MAGT1: variants seen among roughly 807,000 people sequenced by gnomAD.
MAGT1 encodes dolichyl-diphosphooligosaccharide--protein glycosyltransferase subunit MAGT1.
Under a neutral mutation model 28.4 loss-of-function variants are expected in MAGT1, and 4 were observed. The ratio of observed to expected loss-of-function variants is 0.14; its 90% CI spans 0.07 to 0.32. The LOEUF (loss-of-function observed/expected upper bound fraction) is 0.32. Among genes scored for constraint, MAGT1 ranks in the 10% least tolerant of loss-of-function variants. The probability of loss-of-function intolerance (pLI) is 1.00; values close to 1 mark genes in which losing one functional copy is unlikely to be tolerated. For synonymous variants in MAGT1, 89 were observed against 89.7 expected, an observed-to-expected ratio of 0.99 and a Z score of 0.04; for missense variants, 193 against 264.5, an observed-to-expected ratio of 0.73 and a Z score of 1.88.
intron 3 of MAGT1, among the ~76,000 whole-genome samples, chrX:77,870,236 T>C (rs962931025): frequency 7.3e-5 from 8 of 109,918 alleles, no homozygotes; most frequent in Non-Finnish European, 1.5e-4. Flanking sequence ...ATAATGGACG[T>C]TGGGAACTTT....
chrX:77,835,251 C>CA (rs1206151339), intron 8 of MAGT1, among the ~76,000 whole-genome samples: 1 of 109,827 alleles, frequency 9.1e-6, no homozygotes, highest in Non-Finnish European at 1.9e-5. Context: ...TGAGCCACCG[C>CA]AAAAAAAGAA....
rs1051735671 is a variant in MAGT1, at chrX:77,860,169, C to T, written c.391-2672G>A. On this transcript the variant is annotated intron_variant, in intron 3 of 9. Transcript: ENST00000618282. ...GCGCAATCTTGGCCCACACAATCTCCGCTTCCTGGGTTCAAGCGATCCTCC... is the reference window on the plus strand; with the variant it reads ...GCGCAATCTTGGCCCACACAATCTCTGCTTCCTGGGTTCAAGCGATCCTCC... 6.3e-5 allele frequency among the ~76,000 whole-genome samples: 7 copies of T among 111,819 alleles called. No individual in the cohort carries two copies. The East Asian group carries it at 8.6e-4, about 14-fold the overall frequency.
chrX:77,855,071 T>G (rs2076978045), intron 6 of MAGT1, among the ~76,000 whole-genome samples: 1 of 111,374 alleles, frequency 9.0e-6, no homozygotes, highest in Non-Finnish European at 1.9e-5. Context: ...CCCAGCACTT[T>G]GGGAGGCTGA....
chrX:77,842,548 C>T (rs781864371), intron 7 of MAGT1, among the ~76,000 whole-genome samples: 6 of 111,704 alleles, frequency 5.4e-5, no homozygotes, highest in African/African-American at 1.6e-4. Context: ...AAATCCTGGC[C>T]GTGCGTGGTG....
chrX:77,867,191 G>T (rs970795026), intron 3 of MAGT1, among the ~76,000 whole-genome samples: 2 of 67,082 alleles, frequency 3.0e-5, no homozygotes, highest in African/African-American at 3.5e-5. Context: ...CAGCAGCAAA[G>T]TGAACCCCTT....
chrX:77,871,639 C>T (rs1025819410), intron 2 of MAGT1, among the ~76,000 whole-genome samples: 1 of 111,370 alleles, frequency 9.0e-6, no homozygotes, highest in Non-Finnish European at 1.9e-5. Flanking sequence ...GTCAGGAGTT[C>T]GAGACCAGCC....
intron 8 of MAGT1, among the ~76,000 whole-genome samples, chrX:77,836,690 GC>G (rs1226815004): frequency 9.0e-6 from 1 of 111,361 alleles, no homozygotes; most frequent in African/African-American, 3.3e-5. Context: ...GATTGCTTGA[GC>G]CCAGGAGTTC....
At chrX:77,872,119 T>G (rs1244302251) in intron 2 of MAGT1, among the ~76,000 whole-genome samples, 1 of 109,678 alleles carries the variant, frequency 9.1e-6, no homozygotes, top group East Asian at 2.9e-4. Flanking sequence ...CTTGGCTCAC[T>G]GCAACCTCTG....
chrX:77,884,475 A>C (rs974403185), intron 1 of MAGT1, among the ~76,000 whole-genome samples: 6 of 111,259 alleles, frequency 5.4e-5, no homozygotes, highest in Non-Finnish European at 1.1e-4. Flanking sequence ...TTGAGAAAAC[A>C]GGATTGGAGA....
intron 3 of MAGT1, among the ~76,000 whole-genome samples, chrX:77,870,513 A>T (rs1387514803): frequency 1.8e-5 from 2 of 111,776 alleles, no homozygotes; most frequent in South Asian, 3.7e-4. Flanking sequence ...GCTGTGATTT[A>T]AAAAATTCCT....
intron 3 of MAGT1, among the ~76,000 whole-genome samples, chrX:77,858,419 G>A (rs1474223146): frequency 1.8e-5 from 2 of 111,032 alleles, no homozygotes; most frequent in African/African-American, 6.5e-5. Context: ...TTGAACTCCT[G>A]ACTGCAAATG....
At chrX:77,843,565 CTT>C (rs1232198892) in intron 7 of MAGT1, among the ~76,000 whole-genome samples, 1 of 111,749 alleles carries the variant, frequency 8.9e-6, no homozygotes, top group Non-Finnish European at 1.9e-5. Context: ...TCAATAGCCT[CTT>C]GTTAGGGATG....
intron 8 of MAGT1, among the ~76,000 whole-genome samples, chrX:77,840,679 C>T: frequency 9.0e-6 from 1 of 110,625 alleles, no homozygotes; most frequent in East Asian, 2.9e-4. Context: ...CCCATCTCTA[C>T]AAAAAGTACA....
intron 6 of MAGT1, 141 bp downstream of exon 6, chrX:77,855,360 G>A: frequency 2.1e-6 from 1 of 476,899 alleles, no homozygotes; most frequent in East Asian, 3.8e-5. Context: ...TCTTATCAGT[G>A]ATGGAAGCTT....
At chrX:77,881,541 T>C (rs2077052566) in intron 1 of MAGT1, among the ~76,000 whole-genome samples, 1 of 108,754 alleles carries the variant, frequency 9.2e-6, no homozygotes, top group Non-Finnish European at 1.9e-5. Flanking sequence ...TGCGATAGTT[T>C]GCTGAGAATG....
intron 4 of MAGT1, 31 bp from the exon 5 acceptor site, chrX:77,856,904 G>C: frequency 1.7e-6 from 2 of 1,157,377 alleles, no homozygotes; most frequent in Non-Finnish European, 2.3e-6. Context: ...ACATGTTAAA[G>C]TATAAAATTT....
chrX:77,889,941 C>T (rs2077077868), intron 1 of MAGT1, among the ~76,000 whole-genome samples: 1 of 112,074 alleles, frequency 8.9e-6, no homozygotes, highest in Non-Finnish European at 1.9e-5. Context: ...CCACCACCAC[C>T]CCCAGCTTCT....
Position 77,830,821 on chromosome X carries a change from G to A in MAGT1, c.976C>T (p.His326Tyr). The stretch of plus-strand genomic sequence containing the variant: ...GAATCATACCTGTATGGGTAGCCAT[G>A]ATATTTAGATCTAAAAATAGAGAGC... ...WMLSIFRSKY[H>Y]GYPYSFLMS The change falls in exon 9 of 10, where the codon CAT becomes TAT. Residue 326 changes from histidine (H) to tyrosine (Y), a missense_variant. Transcript: ENST00000618282. 1 of 1,143,529 alleles carries A rather than the reference G, an allele frequency of 8.7e-7. No individual in the cohort carries two copies. The highest frequency in any genetic ancestry group is 1.8e-5 in the African/African-American group (1 of 55,712). The allele number at this position is 1,143,529 out of a possible 1,213,427, so 94.2% of individuals were successfully genotyped here.
At chrX:77,885,114 G>C (rs1436014108) in intron 1 of MAGT1, among the ~76,000 whole-genome samples, 2 of 109,224 alleles carry the variant, frequency 1.8e-5, no homozygotes, top group Admixed American at 9.8e-5. Context: ...ACCCAGACTG[G>C]AGTGCAGTGG....
Sources: gnomAD v4.1 joint callset for allele counts (sites outside exome capture counted in the v4.1 genomes callset) on GRCh38, gnomAD v4.1.1 for gene constraint, MANE v1.5 for transcripts, NCBI Gene and HGNC (gene_info 2026-07-23, HGNC 2026-07-21) for gene names.